Variants in CAMK1D observed in about 807,000 individuals in gnomAD.
CAMK1D encodes the protein calcium/calmodulin dependent protein kinase ID, also known as calcium/calmodulin-dependent protein kinase type 1D.
Under a neutral mutation model 47.7 loss-of-function variants are expected in CAMK1D, and 9 were observed. That is an observed-to-expected ratio of 0.19 (90% CI 0.11 to 0.33). CAMK1D has a LOEUF of 0.33. Among genes scored for constraint, CAMK1D ranks in the 10% least tolerant of loss-of-function variants. The pLI is 1.00. For missense variants in CAMK1D, 291 were observed against 488.7 expected, an observed-to-expected ratio of 0.60 and a Z score of 3.81; for synonymous variants, 184 against 184.9, an observed-to-expected ratio of 0.99 and a Z score of 0.04.
chr10:12,644,866 C>G (rs1839771108), intron 2 of CAMK1D, among the ~76,000 whole-genome samples: 1 of 152,138 alleles, frequency 6.6e-6, no homozygotes, highest in Non-Finnish European at 1.5e-5. Context: ...TCTTCTTTAT[C>G]TCCAAAGAAA....
chr10:12,450,764 A>G (rs1040927689), intron 1 of CAMK1D, among the ~76,000 whole-genome samples: 14 of 152,100 alleles, frequency 9.2e-5, no homozygotes, highest in Non-Finnish European at 1.5e-4. Context: ...TTGTTTTGTT[A>G]TTTGAGACTC....
intron 2 of CAMK1D, among the ~76,000 whole-genome samples, chr10:12,553,805 C>CG (rs1564408354): frequency 6.6e-6 from 1 of 152,194 alleles, no homozygotes; most frequent in African/African-American, 2.4e-5. Flanking sequence ...TCTGTGCTGT[C>CG]GCCACCGCTG....
intron 5 of CAMK1D, among the ~76,000 whole-genome samples, chr10:12,783,208 G>A (rs1024090095): frequency 6.6e-6 from 1 of 152,072 alleles, no homozygotes; most frequent in African/African-American, 2.4e-5. Context: ...GGCCAGGCTG[G>A]TCTCAAACTC....
intron 1 of CAMK1D, among the ~76,000 whole-genome samples, chr10:12,362,867 A>G (rs1011838577): frequency 2.7e-5 from 4 of 150,540 alleles, no homozygotes; most frequent in Non-Finnish European, 4.4e-5. Flanking sequence ...GATGGTCTCA[A>G]TCTCCTGACC....
chr10:12,486,383 C>T (rs1472012201), intron 1 of CAMK1D, among the ~76,000 whole-genome samples: 1 of 152,164 alleles, frequency 6.6e-6, no homozygotes, highest in Non-Finnish European at 1.5e-5. Flanking sequence ...TGGTCTTGAT[C>T]TCCTGACCTC....
chr10:12,557,116 C>T (rs1836786438), intron 2 of CAMK1D, among the ~76,000 whole-genome samples: 1 of 152,238 alleles, frequency 6.6e-6, no homozygotes, highest in Admixed American at 6.5e-5. Context: ...AGCGGGAGGG[C>T]AGGTCAAGAG....
intron 1 of CAMK1D, among the ~76,000 whole-genome samples, chr10:12,351,508 A>G (rs1014545378): frequency 6.6e-6 from 1 of 152,160 alleles, no homozygotes; most frequent in Non-Finnish European, 1.5e-5. Context: ...ATGGGAGAGC[A>G]TGGGGACCCA....
intron 3 of CAMK1D, among the ~76,000 whole-genome samples, chr10:12,709,650 C>T (rs542710567): frequency 1.3e-5 from 2 of 151,970 alleles, no homozygotes; most frequent in African/African-American, 4.8e-5. Flanking sequence ...ATCTGTCACC[C>T]GATATCTTGT....
intron 2 of CAMK1D, among the ~76,000 whole-genome samples, chr10:12,572,751 C>A (rs756639848): frequency 5.9e-5 from 9 of 152,156 alleles, no homozygotes; most frequent in Non-Finnish European, 1.0e-4. Context: ...CCTGCCTCAG[C>A]CTCTGGAATA....
At chr10:12,464,282 A>T (rs183962625) in intron 1 of CAMK1D, among the ~76,000 whole-genome samples, 117 of 152,238 alleles carry the variant, frequency 7.7e-4, no homozygotes, top group African/African-American at 4.6e-4. Context: ...GTCTTCCATC[A>T]GTTGGTATTT....
At chr10:12,706,036 G>A (rs1700857861) in intron 3 of CAMK1D, among the ~76,000 whole-genome samples, 1 of 152,152 alleles carries the variant, frequency 6.6e-6, no homozygotes, top group Non-Finnish European at 1.5e-5. Context: ...TTTATCTGAG[G>A]GGGGTGTGTC....
intron 1 of CAMK1D, among the ~76,000 whole-genome samples, chr10:12,385,664 G>T (rs567889462): frequency 6.6e-6 from 1 of 150,734 alleles, no homozygotes; most frequent in African/African-American, 2.4e-5. Context: ...GGGGAGAAAA[G>T]ATGAAAATGT....
chr10:12,615,966 A>T (rs992273286), intron 2 of CAMK1D, among the ~76,000 whole-genome samples: 2 of 145,404 alleles, frequency 1.4e-5, no homozygotes, highest in African/African-American at 2.6e-5. Flanking sequence ...ATAGGTGTGT[A>T]TGTGTGCATG....
chr10:12,699,709 C>A (rs547787362), intron 3 of CAMK1D, among the ~76,000 whole-genome samples: 1 of 151,486 alleles, frequency 6.6e-6, no homozygotes, highest in Non-Finnish European at 1.5e-5. Flanking sequence ...GGTTTGCCGC[C>A]GTGGACTTCA....
intron 6 of CAMK1D, among the ~76,000 whole-genome samples, chr10:12,799,013 C>T (rs1381781309): frequency 6.6e-6 from 1 of 152,036 alleles, no homozygotes; most frequent in East Asian, 1.9e-4. Flanking sequence ...CAATAGCAAG[C>T]GGGTGGCTTC....
intron 1 of CAMK1D, among the ~76,000 whole-genome samples, chr10:12,503,994 G>A (rs77709903): frequency 0.051 from 7,802 of 152,088 alleles, 287 homozygotes; most frequent in Admixed American, 0.12. Flanking sequence ...CTGCTTTCCC[G>A]CATCCACTGA....
At chr10:12,567,515 C>T (rs1193131442) in intron 2 of CAMK1D, among the ~76,000 whole-genome samples, 2 of 152,272 alleles carry the variant, frequency 1.3e-5, no homozygotes, top group Non-Finnish European at 2.9e-5. Context: ...GTGTCTTCCT[C>T]CGTGACTCAT....
intron 1 of CAMK1D, among the ~76,000 whole-genome samples, chr10:12,543,691 A>G (rs1258630072): frequency 6.6e-6 from 1 of 152,170 alleles, no homozygotes; most frequent in Non-Finnish European, 1.5e-5. Flanking sequence ...GGGCACACGC[A>G]TTTTTGTGTT....
At chr10:12,360,708 G>A (rs1837633246) in intron 1 of CAMK1D, among the ~76,000 whole-genome samples, 1 of 152,160 alleles carries the variant, frequency 6.6e-6, no homozygotes, top group Admixed American at 6.6e-5. Flanking sequence ...GCAAACTGGG[G>A]AGTTGAGGGC....
Sources: gnomAD v4.1 joint callset for allele counts (sites outside exome capture counted in the v4.1 genomes callset) on GRCh38, gnomAD v4.1.1 for gene constraint, MANE v1.5 for transcripts, NCBI Gene and HGNC (gene_info 2026-07-23, HGNC 2026-07-21) for gene names.